The following KCNMA1 variants were observed in gnomAD, a reference collection of about 807,000 sequenced individuals.
KCNMA1 encodes the protein Calcium-activated potassium channel subunit alpha-1.
Under a neutral mutation model 140.0 loss-of-function variants are expected in KCNMA1, and 29 were observed. The observed-to-expected ratio is 0.21, with a 90% CI of 0.15 to 0.28. KCNMA1 has a LOEUF of 0.28. KCNMA1 is among the 10% of genes least tolerant of loss of function. The pLI, the probability that KCNMA1 is intolerant of heterozygous loss-of-function variation, is 1.00. For synonymous variants in KCNMA1, 612 were observed against 611.9 expected, an observed-to-expected ratio of 1.00 and a Z score of 0.00; for missense variants, 880 against 1,602.2, an observed-to-expected ratio of 0.55 and a Z score of 7.70.
At chr10:77,301,559 G>T (rs1393307030) in intron 2 of KCNMA1, among the ~76,000 whole-genome samples, 5 of 151,564 alleles carry the variant, frequency 3.3e-5, no homozygotes, top group African/African-American at 9.7e-5. Flanking sequence ...TTTTCTTTAT[G>T]GCAGACCTTG....
intron 18 of KCNMA1, among the ~76,000 whole-genome samples, chr10:77,007,853 A>G (rs1593434405): frequency 6.6e-6 from 1 of 152,012 alleles, no homozygotes; most frequent in East Asian, 1.9e-4. Context: ...GTGTCCCTTA[A>G]AAGTCCTGAG....
Position 77,279,931 on chromosome 10 carries a change from CT to C in KCNMA1, c.541-28676del, listed in dbSNP as rs575672084. ...ATGGAACTGTGAGTCTGTTAAACCT[CT>C]TTTTCTTTATAAATTTCCCAGTCTC... On this transcript the variant is annotated intron_variant, in intron 2 of 27. Coordinates refer to ENST00000286628, the MANE Select transcript of KCNMA1 (RefSeq NM_001161352.2). Among the ~76,000 whole-genome samples the C allele has an allele frequency of 2.1e-3, 315 of 152,310 alleles. 2 individuals carry two copies. The highest frequency in any genetic ancestry group is 7.1e-3 in the African/African-American group (295 of 41,554).
intron 22 of KCNMA1, among the ~76,000 whole-genome samples, chr10:76,948,211 G>A (rs1454917408): frequency 1.3e-5 from 2 of 152,010 alleles, no homozygotes; most frequent in African/African-American, 4.8e-5. Flanking sequence ...TCACCATGTT[G>A]CCCAGGCTGC....
At chr10:77,139,534 T>C (rs1188784232) in intron 5 of KCNMA1, among the ~76,000 whole-genome samples, 1 of 152,210 alleles carries the variant, frequency 6.6e-6, no homozygotes. Flanking sequence ...GCAGAAGTAT[T>C]TGAGCTGTGC....
At chr10:77,633,836 C>T (rs2093463363) in intron 1 of KCNMA1, among the ~76,000 whole-genome samples, 1 of 152,182 alleles carries the variant, frequency 6.6e-6, no homozygotes, top group Non-Finnish European at 1.5e-5. Flanking sequence ...GGAAGTTGGC[C>T]TCAGTTTCCC....
chr10:77,018,125 T>TA (rs751383745), intron 17 of KCNMA1, among the ~76,000 whole-genome samples: 1 of 152,146 alleles, frequency 6.6e-6, no homozygotes, highest in Non-Finnish European at 1.5e-5. Context: ...TGAGAAGACT[T>TA]ACCTTCCAGG....
At position 77,455,454 on chromosome 10, in the gene KCNMA1, C is replaced by G. The variant is rs553194549; in HGVS notation, c.379-51431G>C. On this transcript the variant is annotated intron_variant, in intron 1 of 27. Transcript: ENST00000286628. ...CCATTCTAGGCTTCCTCAGAATTCCCTACTTTGAGTGCTCCTTTGCCATGT... is the reference window on the plus strand; with the variant it reads ...CCATTCTAGGCTTCCTCAGAATTCCGTACTTTGAGTGCTCCTTTGCCATGT... Among the ~76,000 whole-genome samples the G allele has an allele frequency of 2.0e-5, 3 of 152,254 alleles. No individual in the cohort carries two copies. The South Asian group carries it at 6.2e-4, about 32-fold the overall frequency.
intron 3 of KCNMA1, among the ~76,000 whole-genome samples, chr10:77,200,719 C>A (rs1043507452): frequency 1.3e-5 from 2 of 151,742 alleles, no homozygotes; most frequent in African/African-American, 4.8e-5. Flanking sequence ...TAGTTAGAAT[C>A]GACATAAAAT....
At chr10:77,264,149 G>A (rs770263275) in intron 2 of KCNMA1, among the ~76,000 whole-genome samples, 7 of 152,092 alleles carry the variant, frequency 4.6e-5, no homozygotes, top group Admixed American at 1.3e-4. Flanking sequence ...CGCAAGTTTC[G>A]AAAGCCTGGC....
At chr10:77,600,086 G>A (rs1178607385) in intron 1 of KCNMA1, among the ~76,000 whole-genome samples, 1 of 152,206 alleles carries the variant, frequency 6.6e-6, no homozygotes, top group Non-Finnish European at 1.5e-5. Flanking sequence ...TTTTCAGGAT[G>A]AGCAGTTCAG....
intron 3 of KCNMA1, among the ~76,000 whole-genome samples, chr10:77,232,827 T>C (rs952097166): frequency 1.8e-4 from 28 of 152,114 alleles, no homozygotes; most frequent in African/African-American, 6.5e-4. Flanking sequence ...TTTGAGTTAA[T>C]TGATGTGAAG....
intron 1 of KCNMA1, among the ~76,000 whole-genome samples, chr10:77,610,066 C>T (rs2086244597): frequency 6.6e-6 from 1 of 152,228 alleles, no homozygotes; most frequent in African/African-American, 2.4e-5. Context: ...ACCAGCTGCT[C>T]CTCTGCCTGC....
chr10:77,592,555 A>G (rs910031273), intron 1 of KCNMA1, among the ~76,000 whole-genome samples: 6 of 152,230 alleles, frequency 3.9e-5, no homozygotes, highest in Non-Finnish European at 8.8e-5. Flanking sequence ...TGGCAAATCC[A>G]GTTGGGAAAG....
intron 15 of KCNMA1, among the ~76,000 whole-genome samples, chr10:77,029,311 G>C (rs2093739162): frequency 6.6e-6 from 1 of 152,190 alleles, no homozygotes; most frequent in African/African-American, 2.4e-5. Flanking sequence ...TTGTAAGGGG[G>C]ATAAGATACT....
At chr10:77,079,594 A>ATT in intron 12 of KCNMA1, 44 bp from the exon 13 acceptor site, 1 of 1,311,260 alleles carries the variant, frequency 7.6e-7, no homozygotes, top group East Asian at 2.3e-5. Context: ...TGCCTTATGC[A>ATT]TGGTGTCTGA....
intron 19 of KCNMA1, among the ~76,000 whole-genome samples, chr10:76,972,812 T>C (rs1444878023): frequency 6.6e-6 from 1 of 152,190 alleles, no homozygotes; most frequent in Non-Finnish European, 1.5e-5. Context: ...ATGGAGACCA[T>C]TACATATGGC....
At chr10:77,396,782 T>C (rs965908884) in intron 2 of KCNMA1, among the ~76,000 whole-genome samples, 1 of 152,242 alleles carries the variant, frequency 6.6e-6, no homozygotes, top group African/African-American at 2.4e-5. Flanking sequence ...AAGTAGCATA[T>C]GCTTTCAGTT....
At chr10:77,435,049 T>G (rs2154499630) in intron 1 of KCNMA1, among the ~76,000 whole-genome samples, 1 of 152,244 alleles carries the variant, frequency 6.6e-6, no homozygotes, top group East Asian at 1.9e-4. Context: ...AACCTCCCAC[T>G]TCAGCCTCCT....
chr10:77,428,064 T>C (rs1051739064), intron 1 of KCNMA1, among the ~76,000 whole-genome samples: 1 of 152,194 alleles, frequency 6.6e-6, no homozygotes, highest in Non-Finnish European at 1.5e-5. Context: ...AGCATCCTTT[T>C]GAAGGAAGAT....
Sources: gnomAD v4.1 joint callset for allele counts (sites outside exome capture counted in the v4.1 genomes callset) on GRCh38, gnomAD v4.1.1 for gene constraint, MANE v1.5 for transcripts, NCBI Gene and HGNC (gene_info 2026-07-23, HGNC 2026-07-21) for gene names.